COL22A1: variants seen among roughly 807,000 people sequenced by gnomAD.
COL22A1 encodes collagen type XXII alpha 1 chain.
COL22A1 carries 221 observed loss-of-function variants against 248.9 expected under a neutral mutation model. The ratio of observed to expected loss-of-function variants is 0.89; its 90% CI spans 0.80 to 0.99. The LOEUF is 0.99. Among genes scored for constraint, COL22A1 ranks in the 50% least tolerant of loss-of-function variants. The pLI is 0.00. For missense variants in COL22A1, 2,240 were observed against 2,179.0 expected (o/e 1.03, Z -0.56); for synonymous variants, 891 against 793.4 (o/e 1.12, Z -2.07).
At chr8:138,864,424 G>A (rs112321148) in intron 3 of COL22A1, among the ~76,000 whole-genome samples, 13,157 of 151,738 alleles carry the variant, frequency 0.087, 662 homozygotes, top group African/African-American at 0.14. Context: ...GCCAGGCCGC[G>A]GACTGGGGCT....
At chr8:138,616,876 C>T (rs1174986552) in intron 54 of COL22A1, 38 bp downstream of exon 54, 2 of 1,613,206 alleles carry the variant, frequency 1.2e-6, no homozygotes, top group Non-Finnish European at 1.7e-6. Context: ...TAAGCTCTGC[C>T]CACCTGGGGG....
intron 18 of COL22A1, among the ~76,000 whole-genome samples, chr8:138,757,313 T>TGG (rs1218976219): frequency 1.3e-5 from 2 of 151,708 alleles, no homozygotes; most frequent in African/African-American, 4.8e-5. Context: ...ACTATGTGTG[T>TGG]GTGTATGTGT....
intron 32 of COL22A1, among the ~76,000 whole-genome samples, chr8:138,695,911 C>T (rs542615401): frequency 1.4e-4 from 22 of 152,154 alleles, no homozygotes; most frequent in Admixed American, 3.9e-4. Context: ...GGCCAGTGAA[C>T]CAGTGTGGAC....
chr8:138,655,583 T>A (rs905656138), intron 45 of COL22A1, among the ~76,000 whole-genome samples: 1 of 152,158 alleles, frequency 6.6e-6, no homozygotes, highest in Admixed American at 6.5e-5. Flanking sequence ...CCCAGGTTGG[T>A]CTTAAACTCC....
intron 1 of COL22A1, among the ~76,000 whole-genome samples, chr8:138,886,322 T>C (rs1229633329): frequency 2.0e-5 from 3 of 152,104 alleles, no homozygotes; most frequent in Non-Finnish European, 2.9e-5. Flanking sequence ...GACTGCGTCT[T>C]ATTGGTTTCT....
chr8:138,865,345 C>G (rs1466128131), intron 3 of COL22A1, among the ~76,000 whole-genome samples: 1 of 151,934 alleles, frequency 6.6e-6, no homozygotes, highest in Admixed American at 6.6e-5. Context: ...TATGTGAGCA[C>G]ATGTGTGTCT....
chr8:138,820,185 C>G (rs1451963892), intron 7 of COL22A1, among the ~76,000 whole-genome samples: 1 of 152,150 alleles, frequency 6.6e-6, no homozygotes, highest in Non-Finnish European at 1.5e-5. Flanking sequence ...TTCCAAGAAT[C>G]TATCCTATGC....
intron 39 of COL22A1, among the ~76,000 whole-genome samples, chr8:138,680,187 G>T (rs1216098151): frequency 6.6e-6 from 1 of 152,252 alleles, no homozygotes; most frequent in East Asian, 1.9e-4. Flanking sequence ...GCTAGAATCG[G>T]TAGCACAGTG....
chr8:138,907,891 G>A (rs4736056), intron 1 of COL22A1, among the ~76,000 whole-genome samples: 88,301 of 152,020 alleles, frequency 0.58, 26,017 homozygotes, highest in Middle Eastern at 0.67. Context: ...TGAGGGGTGT[G>A]CCCTCATGAC....
intron 52 of COL22A1, among the ~76,000 whole-genome samples, chr8:138,623,267 TG>T (rs1819969447): frequency 9.9e-3 from 42 of 4,258 alleles, no homozygotes; most frequent in South Asian, 0.028. Context: ...TATTTATGTG[TG>T]TGTGTGTGTG....
chr8:138,692,167 GGTGTGTGT>G (rs200190266), intron 35 of COL22A1, among the ~76,000 whole-genome samples: 1 of 18,482 alleles, frequency 5.4e-5, no homozygotes, highest in South Asian at 1.6e-3. Context: ...TATGTGTGGA[GGTGTGTGT>G]GTATGTGTGC....
Position 138,596,797 on chromosome 8 carries a change from G to A in COL22A1, c.4432+107C>T, listed in dbSNP as rs376469025. On this transcript the variant is annotated intron_variant, in intron 62 of 64. Coordinates refer to ENST00000303045, the MANE Select transcript of COL22A1 (RefSeq NM_152888.3). Reference sequence around the variant, plus strand: ...CCTGATAGTCTACACTTGAGCTGCCGGTCAAGTGCTTTTCTTATTCCAGGA... The same window carrying A: ...CCTGATAGTCTACACTTGAGCTGCCAGTCAAGTGCTTTTCTTATTCCAGGA... 39 of 995,778 alleles carry A rather than the reference G, an allele frequency of 3.9e-5. 1 individual carries two copies. Among genetic ancestry groups the A allele is most frequent in the East Asian group, 1.9e-4 (8 of 41,318 alleles). 61.7% of individuals were successfully genotyped at this position (995,778 alleles called of 1,614,324 possible).
intron 4 of COL22A1, among the ~76,000 whole-genome samples, chr8:138,838,993 G>A (rs1225072740): frequency 6.6e-6 from 1 of 152,104 alleles, no homozygotes; most frequent in Non-Finnish European, 1.5e-5. Context: ...AGCTGCCTTA[G>A]TTCCTCTTGG....
chr8:138,818,622 G>A (rs1818864138), intron 7 of COL22A1, among the ~76,000 whole-genome samples: 1 of 152,154 alleles, frequency 6.6e-6, no homozygotes, highest in Non-Finnish European at 1.5e-5. Context: ...TTCTCCAGGA[G>A]CATCTCTCTC....
At chr8:138,731,966 T>C (rs1264301686) in intron 23 of COL22A1, among the ~76,000 whole-genome samples, 2 of 152,186 alleles carry the variant, frequency 1.3e-5, no homozygotes, top group Non-Finnish European at 2.9e-5. Context: ...AGTTGAACAA[T>C]ACCTCAAACA....
At chr8:138,734,396 T>C (rs1830948551) in intron 23 of COL22A1, among the ~76,000 whole-genome samples, 1 of 152,146 alleles carries the variant, frequency 6.6e-6, no homozygotes, top group Non-Finnish European at 1.5e-5. Context: ...AACTGTTGAA[T>C]GAATAAATCC....
At chr8:138,719,638 G>A (rs1383133834) in intron 27 of COL22A1, among the ~76,000 whole-genome samples, 1 of 152,184 alleles carries the variant, frequency 6.6e-6, no homozygotes, top group African/African-American at 2.4e-5. Context: ...CCCGGGATGT[G>A]CCCACCAGCA....
At chr8:138,634,535 G>A (rs1820984153) in intron 49 of COL22A1, among the ~76,000 whole-genome samples, 1 of 152,120 alleles carries the variant, frequency 6.6e-6, no homozygotes, top group Non-Finnish European at 1.5e-5. Context: ...ATGGTGAGAA[G>A]GGCACCAGTC....
At chr8:138,618,843 T>A (rs926547923) in intron 53 of COL22A1, among the ~76,000 whole-genome samples, 1 of 152,128 alleles carries the variant, frequency 6.6e-6, no homozygotes. Context: ...CTAAAATACA[T>A]AGAGTTCATT....
Sources: gnomAD v4.1 joint callset for allele counts (sites outside exome capture counted in the v4.1 genomes callset) on GRCh38, gnomAD v4.1.1 for gene constraint, MANE v1.5 for transcripts, NCBI Gene and HGNC (gene_info 2026-07-23, HGNC 2026-07-21) for gene names.